Variants in ACSM2A observed in about 807,000 individuals in gnomAD.
ACSM2A encodes acyl-coenzyme A synthetase ACSM2A, mitochondrial.
ACSM2A carries 72 observed loss-of-function variants against 76.6 expected under a neutral mutation model. That is an observed-to-expected ratio of 0.94 (90% CI 0.78 to 1.14). The LOEUF is 1.14. ACSM2A is among the 50% of genes most tolerant of loss of function. The pLI, the probability that ACSM2A is intolerant of heterozygous loss-of-function variation, is 0.00. For synonymous variants in ACSM2A, 249 were observed against 255.9 expected (o/e 0.97, Z 0.26); for missense variants, 684 against 708.5 (o/e 0.97, Z 0.39).
chr16:20,480,860 T>C lies in ACSM2A; in HGVS notation c.1448T>C (p.Met483Thr), dbSNP rs2014042783. ...IGPSEVENAL[M>T]EHPAVVETAV... ...CCCTCGGAGGTAGAGAATGCACTGA[T>C]GGAGCACCCTGCTGTGGTTGAGACG... is the stretch of plus-strand genomic sequence containing the variant. The change falls in exon 12 of 14, where the codon ATG (methionine) becomes ACG (threonine). Residue 483 changes from methionine (M) to threonine (T), a missense_variant. By Grantham distance (81) the Met-to-Thr change is moderately conservative. Transcript: ENST00000573854. The C allele has an allele frequency of 1.2e-6, 2 of 1,613,944 alleles. No homozygotes were observed. The highest frequency in any genetic ancestry group is 8.5e-7 in the Non-Finnish European group (1 of 1,179,852).
chr16:20,485,176 T>A (rs1235372965), intron 13 of ACSM2A, among the ~76,000 whole-genome samples: 2 of 151,918 alleles, frequency 1.3e-5, no homozygotes, highest in African/African-American at 4.8e-5. Context: ...TACAAAGGAG[T>A]TTAGAAATCC....
At chr16:20,480,515 C>A in intron 10 of ACSM2A, 58 bp from the exon 11 acceptor site, 1 of 1,569,160 alleles carries the variant, frequency 6.4e-7, no homozygotes, top group South Asian at 1.2e-5. Flanking sequence ...ATGGCAGCCC[C>A]AGGGCAGGGG....
Position 20,486,749 on chromosome 16 carries a change from C to A in ACSM2A, c.*71C>A, listed in dbSNP as rs1054999. On this transcript the variant is annotated 3_prime_UTR_variant, in exon 14 of 14. Coordinates refer to ENST00000573854, the MANE Select transcript of ACSM2A (RefSeq NM_001308172.2). ...CTTTTCCCTTTGGGCCCTTGGCCTT[C>A]CTATGATTATATGAGATTCTTTATG... 486 of 1,550,900 alleles carry A rather than the reference C, an allele frequency of 3.1e-4. 3 individuals are homozygous for A. The East Asian group carries it at 5.1e-3, about 16-fold the overall frequency.
Position 20,471,638 on chromosome 16 carries a change from A to G in ACSM2A, c.843A>G (p.Ala281=). 1.9e-6 allele frequency: 3 copies of G among 1,614,088 alleles called. No homozygotes were observed. The highest frequency in any genetic ancestry group is 2.5e-6 in the Non-Finnish European group (3 of 1,179,932). Reference sequence around the variant, plus strand: ...TTATGGAACCTTGGGCATTAGGAGCATGCACATTTGTTCATCTCTTGCCAA... The same window carrying G: ...TTATGGAACCTTGGGCATTAGGAGCGTGCACATTTGTTCATCTCTTGCCAA... ...CSLMEPWALG[A]CTFVHLLPKF... Residue 281 remains alanine, a synonymous_variant, in exon 6 of 14, where the codon GCA becomes GCG. Transcript: ENST00000573854.
intron 3 of ACSM2A, among the ~76,000 whole-genome samples, chr16:20,466,616 C>G (rs112863816): frequency 6.6e-6 from 1 of 152,216 alleles, no homozygotes; most frequent in Non-Finnish European, 1.5e-5. Flanking sequence ...ATAGTAAATG[C>G]TGATTGGTTT....
chr16:20,486,381 C>G (rs2014382858), intron 13 of ACSM2A, among the ~76,000 whole-genome samples, 193 bp from the exon 14 acceptor site: 2 of 152,212 alleles, frequency 1.3e-5, no homozygotes, highest in East Asian at 3.8e-4. Context: ...TGTCAAAGAC[C>G]TTTATGCCCA....
rs1749378989 is a variant in ACSM2A at position 20,477,394 on chromosome 16, C to T, written c.1124C>T (p.Thr375Ile). The T allele has an allele frequency of 1.9e-6, 3 of 1,609,726 alleles. No individual in the cohort carries two copies. The highest frequency in any genetic ancestry group is 2.5e-6 in the Non-Finnish European group (3 of 1,177,334). ...ETGLTCMVSK[T>I]MKIKPGYMGT... ...GGATTAACTTGCATGGTTTCCAAGACAATGAAAATCAAACCAGGATACATG... is the reference window on the plus strand; with the variant it reads ...GGATTAACTTGCATGGTTTCCAAGATAATGAAAATCAAACCAGGATACATG... Residue 375 changes from threonine (T) to isoleucine (I), a missense_variant, in exon 9 of 14, where the codon ACA becomes ATA. Physicochemically the swap from Thr to Ile is moderately conservative, Grantham distance 89. This residue lies in a region of ACSM2A where 519 missense variants were observed against 549.5 expected (regional missense o/e 0.94). Coordinates refer to ENST00000573854, the MANE Select transcript of ACSM2A (RefSeq NM_001308172.2).
At chr16:20,474,379 T>C (rs560586218) in intron 6 of ACSM2A, among the ~76,000 whole-genome samples, 10 of 152,192 alleles carry the variant, frequency 6.6e-5, no homozygotes, top group East Asian at 1.9e-4. Flanking sequence ...GTCTGTTATA[T>C]AAAAAGCCAG....
intron 13 of ACSM2A, among the ~76,000 whole-genome samples, chr16:20,483,897 T>C (rs1348630319): frequency 1.3e-5 from 2 of 152,048 alleles, no homozygotes; most frequent in Non-Finnish European, 2.9e-5. Flanking sequence ...ATTCCTAGGA[T>C]GTGGTCAGGT....
At position 20,470,206 on chromosome 16, in the gene ACSM2A, A is replaced by T. The variant is rs1270262635; in HGVS notation, c.596+487A>T. ...ACACCAAGTGGGTTGAAACCCACCC[A>T]GAACAATTTACTGGAACTATGACTC... On this transcript the variant is annotated intron_variant, in intron 4 of 13. Coordinates refer to ENST00000573854, the MANE Select transcript of ACSM2A (RefSeq NM_001308172.2). Among the ~76,000 whole-genome samples, 8 of 152,206 alleles carry T rather than the reference A, an allele frequency of 5.3e-5. No individual in the cohort carries two copies. The South Asian group carries it at 8.3e-4, about 16-fold the overall frequency.
intron 1 of ACSM2A, among the ~76,000 whole-genome samples, chr16:20,457,235 A>C (rs2012232251): frequency 6.6e-6 from 1 of 152,012 alleles, no homozygotes; most frequent in South Asian, 2.1e-4. Flanking sequence ...ATTCTACCAG[A>C]CATTCAAAGA....
chr16:20,468,028 C>A (rs192174455), intron 3 of ACSM2A, among the ~76,000 whole-genome samples: 1 of 152,030 alleles, frequency 6.6e-6, no homozygotes, highest in Non-Finnish European at 1.5e-5. Flanking sequence ...GACATGAATG[C>A]AGCCAGGAAT....
intron 3 of ACSM2A, 85 bp from the exon 4 acceptor site, chr16:20,469,427 G>A (rs1253878472): frequency 2.5e-6 from 4 of 1,582,996 alleles, no homozygotes; most frequent in Non-Finnish European, 3.4e-6. Context: ...TTCCCCACTT[G>A]CTCGCTGCTT....
At position 20,465,714 on chromosome 16, in the gene ACSM2A, C is replaced by T. The variant is rs1246908486; in HGVS notation, c.375C>T (p.Gly125=). The T allele has an allele frequency of 5.6e-6, 9 of 1,613,814 alleles. No homozygotes were observed. Among genetic ancestry groups the T allele is most frequent in the East Asian group, 2.2e-5 (1 of 44,884 alleles). Residue 125 remains glycine, a synonymous_variant, in exon 3 of 14, where the codon GGC becomes GGT. Coordinates refer to ENST00000573854, the MANE Select transcript of ACSM2A (RefSeq NM_001308172.2). Reference sequence around the variant, plus strand: ...CTGAGTGGTGGCTGGTGATCCTGGGCTGCATTCGAGCAGGTTGGTAACTGA... The same window carrying T: ...CTGAGTGGTGGCTGGTGATCCTGGGTTGCATTCGAGCAGGTTGGTAACTGA... ...RVPEWWLVIL[G]CIRAGLIFMP...
intron 1 of ACSM2A, among the ~76,000 whole-genome samples, chr16:20,457,762 T>C (rs537862597): frequency 7.9e-4 from 120 of 152,026 alleles, no homozygotes; most frequent in African/African-American, 2.8e-3. Context: ...GAACAAGACA[T>C]GAATGCTTAC....
At position 20,460,242 on chromosome 16, in the gene ACSM2A, A is replaced by C; in HGVS notation, c.128A>C (p.Lys43Thr). 1 of 1,613,638 alleles carries C rather than the reference A, an allele frequency of 6.2e-7. No homozygotes were observed. Among genetic ancestry groups the C allele is most frequent in the South Asian group, 1.1e-5 (1 of 91,048 alleles). Residue 43 changes from lysine (K) to threonine (T), a missense_variant, in exon 2 of 14, where the codon AAG becomes ACG. Lys to Thr is a moderately conservative substitution (Grantham distance 78). This residue lies in a region of ACSM2A where 519 missense variants were observed against 549.5 expected (regional missense o/e 0.94). Transcript: ENST00000573854. ...TGGGGCCACCAGGAAGTGCCGGCCA[A>C]GTTTAACTTTGCTAGTGATGTGTTG... is the stretch of plus-strand genomic sequence containing the variant. ...LQWGHQEVPA[K>T]FNFASDVLDH...
intron 2 of ACSM2A, among the ~76,000 whole-genome samples, chr16:20,463,763 C>G (rs145516407): frequency 1.3e-5 from 2 of 152,146 alleles, no homozygotes; most frequent in Non-Finnish European, 2.9e-5. Flanking sequence ...AATGAAATCA[C>G]ACAGTATTTG....
Position 20,477,570 on chromosome 16 carries a change from G to C in ACSM2A, c.1179+121G>C, listed in dbSNP as rs2013822703. 4.9e-6 allele frequency: 7 copies of C among 1,437,698 alleles called. No individual in the cohort carries two copies. The South Asian group carries it at 1.1e-4, about 22-fold the overall frequency. The allele number at this position is 1,437,698 out of a possible 1,614,324, so 89.1% of individuals were successfully genotyped here. On this transcript the variant is annotated intron_variant, in intron 9 of 13. Transcript: ENST00000573854. ...AAGTACTGATATTAAGATAACATAA[G>C]AAAAAAAGGAGGTAGGGAGGTTGGG...
Position 20,483,083 on chromosome 16 carries a change from C to T in ACSM2A, c.1535C>T (p.Ala512Val), listed in dbSNP as rs776825713. The change falls in exon 13 of 14, where the codon GCC becomes GTC. Residue 512 changes from alanine (A) to valine (V), a missense_variant. By Grantham distance (64) the Ala-to-Val change is moderately conservative. This residue lies in a region of ACSM2A where 159 missense variants were observed against 132.5 expected (regional missense o/e 1.20). Coordinates refer to ENST00000573854, the MANE Select transcript of ACSM2A (RefSeq NM_001308172.2). ...GTGGTGAAGGCATTTGTGGTCCTGG[C>T]CTCGCAGTTCCTGTCCCATGACCCA... ...GEVVKAFVVLASQFLSHDPEQ... is the reference protein window; with the variant it reads ...GEVVKAFVVLVSQFLSHDPEQ... The T allele has an allele frequency of 3.1e-6, 5 of 1,613,956 alleles. No homozygotes were observed. The highest frequency in any genetic ancestry group is 1.1e-5 in the South Asian group (1 of 91,074).
Sources: gnomAD v4.1 joint callset for allele counts (sites outside exome capture counted in the v4.1 genomes callset) on GRCh38, gnomAD v4.1.1 for gene constraint, gnomAD v4.1.1 regional missense constraint, MANE v1.5 for transcripts, NCBI Gene and HGNC (gene_info 2026-07-23, HGNC 2026-07-21) for gene names.